ARID1A: variants seen among roughly 807,000 people sequenced by gnomAD.
ARID1A encodes the protein AT-rich interactive domain-containing protein 1A.
A neutral mutation model predicts 212.6 loss-of-function variants in ARID1A; 20 were observed. The ratio of observed to expected loss-of-function variants is 0.09; its 90% CI spans 0.07 to 0.14. ARID1A has a LOEUF of 0.14. ARID1A is among the 10% of genes least tolerant of loss of function. The pLI is 1.00. For synonymous variants in ARID1A, 1,376 were observed against 1,222.1 expected, an observed-to-expected ratio of 1.13 and a Z score of -2.63; for missense variants, 2,587 against 3,059.0, an observed-to-expected ratio of 0.85 and a Z score of 3.64.
intron 4 of ARID1A, among the ~76,000 whole-genome samples, chr1:26,740,532 G>A (rs1387048436): frequency 6.6e-6 from 1 of 152,174 alleles, no homozygotes; most frequent in Non-Finnish European, 1.5e-5. Flanking sequence ...ATGAGGTGCA[G>A]TATAGATACT....
rs41303631 is a variant in ARID1A at position 26,779,615 on chromosome 1, G to C, written c.5717G>C (p.Arg1906Pro). 2.2e-5 allele frequency: 36 copies of C among 1,614,076 alleles called. No homozygotes were observed. The East Asian group carries it at 7.8e-4, about 35-fold the overall frequency. Residue 1906 changes from arginine to proline, a missense_variant, in exon 20 of 20, where the codon CGG becomes CCG. By Grantham distance (103) the Arg-to-Pro change is moderately radical (BLOSUM62 -2). Coordinates refer to ENST00000324856, the MANE Select transcript of ARID1A (RefSeq NM_006015.6). ...CCACCTGATGGACCTCCAGAAAAAC[G>C]GATCACAGCCACTATGGATGACATG... Reference protein sequence around the residue: ...GPPPDGPPEKRITATMDDMLS... With the variant: ...GPPPDGPPEKPITATMDDMLS...
chr1:26,701,840 T>TG (rs1322033934), intron 1 of ARID1A, among the ~76,000 whole-genome samples: 1 of 152,244 alleles, frequency 6.6e-6, no homozygotes, highest in African/African-American at 2.4e-5. Flanking sequence ...ACCAGACTGT[T>TG]GCCTTGAAAC....
In ARID1A at chr1:26,729,636, C is replaced by T; in HGVS notation, c.1138-15C>T. On this transcript the variant is annotated splice_polypyrimidine_tract_variant and intron_variant, in intron 1 of 19. Transcript: ENST00000324856. ...CATCAAAGCTCAGGTTAATGAAATG[C>T]TCTTTATTTTGTAGCCATCCAGTCC... The T allele has an allele frequency of 6.2e-7, 1 of 1,613,386 alleles. No individual in the cohort carries two copies. The highest frequency in any genetic ancestry group is 8.5e-7 in the Non-Finnish European group (1 of 1,179,362).
Position 26,772,486 on chromosome 1 carries a change from A to G in ARID1A, c.3407-14A>G, listed in dbSNP as rs2124103572. On this transcript the variant is annotated splice_polypyrimidine_tract_variant and intron_variant, in intron 12 of 19. Transcript: ENST00000324856. ...ATGCCAAGCAAACTACTCAACTTGT[A>G]TCTCTGTCCACAGCGGGATCAGGAT... is the stretch of plus-strand genomic sequence containing the variant. 6.2e-7 allele frequency: 1 copy of G among 1,614,170 alleles called. No homozygotes were observed.
intron 4 of ARID1A, among the ~76,000 whole-genome samples, chr1:26,733,570 G>A (rs1425909699): frequency 6.6e-6 from 1 of 152,196 alleles, no homozygotes; most frequent in Admixed American, 6.5e-5. Context: ...ATACCTGAAA[G>A]GCAGTTAACA....
chr1:26,747,589 T>A (rs898868134), intron 4 of ARID1A, among the ~76,000 whole-genome samples: 3 of 151,212 alleles, frequency 2.0e-5, no homozygotes, highest in Admixed American at 1.3e-4. Context: ...ACACCTGTAA[T>A]CCCAGCAGTG....
intron 1 of ARID1A, among the ~76,000 whole-genome samples, chr1:26,721,647 G>A (rs1177880880): frequency 6.6e-6 from 1 of 152,220 alleles, no homozygotes; most frequent in Non-Finnish European, 1.5e-5. Flanking sequence ...TTTAGGAAGA[G>A]CATTTTCTCT....
At chr1:26,744,715 T>C (rs376010385) in intron 4 of ARID1A, among the ~76,000 whole-genome samples, 168 of 152,296 alleles carry the variant, frequency 1.1e-3, no homozygotes, top group African/African-American at 3.7e-3. Flanking sequence ...TGATACTTAT[T>C]TTGAGTTGGG....
chr1:26,773,975 G>C lies in ARID1A; in HGVS notation c.4101+77G>C. On this transcript the variant is annotated intron_variant, in intron 17 of 19. Transcript: ENST00000324856. ...AGTTAGTAAACTAATCTAACGTGTT[G>C]AAGTCTAAGAAGCTCACTTTAGATA... 3 of 1,514,766 alleles carry C rather than the reference G, an allele frequency of 2.0e-6. No homozygotes were observed. In the South Asian group the frequency reaches 3.5e-5, roughly 18 times the overall value. The allele number at this position is 1,514,766 out of a possible 1,614,324, so 93.8% of individuals were successfully genotyped here. A position where few individuals can be genotyped will look rare whatever the true frequency, so the allele number is the denominator to read the frequency against.
intron 4 of ARID1A, among the ~76,000 whole-genome samples, chr1:26,747,699 A>T (rs1376515876): frequency 6.6e-6 from 1 of 151,542 alleles, no homozygotes. Context: ...AAAAAAAAAA[A>T]AATAGTTGGC....
At chr1:26,702,501 A>G (rs1429145229) in intron 1 of ARID1A, among the ~76,000 whole-genome samples, 3 of 152,192 alleles carry the variant, frequency 2.0e-5, no homozygotes, top group Non-Finnish European at 4.4e-5. Context: ...AAGGAACCAA[A>G]TGTTTCAGAG....
chr1:26,728,720 T>C (rs927434355), intron 1 of ARID1A, among the ~76,000 whole-genome samples: 1 of 152,166 alleles, frequency 6.6e-6, no homozygotes, highest in African/African-American at 2.4e-5. Context: ...ATCTTGTGTG[T>C]GTCTTAAAGG....
intron 18 of ARID1A, 101 bp from the exon 19 acceptor site, chr1:26,775,476 C>T (rs2081126422): frequency 2.0e-6 from 3 of 1,521,032 alleles, no homozygotes; most frequent in Admixed American, 2.0e-5. Flanking sequence ...CTGCCTTCCA[C>T]CTTGTGTTAT....
rs996475983 is a variant in ARID1A, at chr1:26,749,293, C to T, written c.1921-11563C>T. ...TTTGAGCTGGTGCCTAGAATTTCTC[C>T]GGGGGTAGGGGACAGCTGTGAGGAG... is the stretch of plus-strand genomic sequence containing the variant. On this transcript the variant is annotated intron_variant, in intron 4 of 19. Coordinates refer to ENST00000324856, the MANE Select transcript of ARID1A (RefSeq NM_006015.6). Among the ~76,000 whole-genome samples the T allele has an allele frequency of 3.3e-5, 5 of 152,078 alleles. No homozygotes were observed. The South Asian group carries it at 8.3e-4, about 25-fold the overall frequency.
intron 1 of ARID1A, among the ~76,000 whole-genome samples, chr1:26,716,110 G>A (rs2080499970): frequency 6.6e-6 from 1 of 151,270 alleles, no homozygotes; most frequent in Admixed American, 6.6e-5. Flanking sequence ...GGAGGCTGAG[G>A]CAGGAGAATC....
At chr1:26,724,014 A>C (rs988255508) in intron 1 of ARID1A, among the ~76,000 whole-genome samples, 1 of 152,146 alleles carries the variant, frequency 6.6e-6, no homozygotes, top group Non-Finnish European at 1.5e-5. Context: ...CTCTGAGGTA[A>C]AATGCAGGTT....
chr1:26,743,785 CAAAAAAA>C (rs777459329), intron 4 of ARID1A, among the ~76,000 whole-genome samples: 1 of 74,678 alleles, frequency 1.3e-5, no homozygotes, highest in African/African-American at 4.9e-5. Context: ...TACTCCATCT[CAAAAAAA>C]AAAAAAAAAA....
In ARID1A at chr1:26,754,602, C is replaced by G. The variant is rs530012077; in HGVS notation, c.1921-6254C>G. Among the ~76,000 whole-genome samples the G allele has an allele frequency of 3.9e-5, 6 of 152,272 alleles. No individual in the cohort carries two copies. The East Asian group carries it at 9.6e-4, about 24-fold the overall frequency. On this transcript the variant is annotated intron_variant, in intron 4 of 19. Coordinates refer to ENST00000324856, the MANE Select transcript of ARID1A (RefSeq NM_006015.6). ...GAAGCCTGACTTGTTGCCAGTTTGC[C>G]TAAGGTCACAACTGATAAGTACCAA...
At chr1:26,754,438 T>TA (rs2080910892) in intron 4 of ARID1A, among the ~76,000 whole-genome samples, 1 of 152,194 alleles carries the variant, frequency 6.6e-6, no homozygotes. Flanking sequence ...GGTATGTTGT[T>TA]ATATCTCTCA....
Sources: gnomAD v4.1 joint callset for allele counts (sites outside exome capture counted in the v4.1 genomes callset) on GRCh38, gnomAD v4.1.1 for gene constraint, MANE v1.5 for transcripts, NCBI Gene and HGNC (gene_info 2026-07-23, HGNC 2026-07-21) for gene names.